Variants in PTPN13 observed in about 807,000 individuals in gnomAD.
The protein encoded by PTPN13 is tyrosine-protein phosphatase non-receptor type 13.
PTPN13 carries 191 observed loss-of-function variants against 284.0 expected under a neutral mutation model. The ratio of observed to expected loss-of-function variants is 0.67; its 90% CI spans 0.60 to 0.76. The LOEUF is 0.76. Ranked by LOEUF, PTPN13 falls within the 30% of genes least tolerant of loss-of-function variation. The pLI, the probability that PTPN13 is intolerant of heterozygous loss-of-function variation, is 0.00. For synonymous variants in PTPN13, 986 were observed against 1,022.3 expected, an observed-to-expected ratio of 0.96 and a Z score of 0.68; for missense variants, 2,797 against 2,939.9, an observed-to-expected ratio of 0.95 and a Z score of 1.12.
intron 23 of PTPN13, 80 bp downstream of exon 23, chr4:86,759,153 G>T (rs1738371140): frequency 1.2e-5 from 17 of 1,438,080 alleles, no homozygotes; most frequent in Non-Finnish European, 1.6e-5. Flanking sequence ...GCACAAAAAT[G>T]GATTCATTGT....
At chr4:86,708,698 GT>G (rs1278275454) in intron 7 of PTPN13, among the ~76,000 whole-genome samples, 1 of 151,996 alleles carries the variant, frequency 6.6e-6, no homozygotes, top group Admixed American at 6.6e-5. Flanking sequence ...AAACTTAAGT[GT>G]TTCCTTATTT....
chr4:86,753,075 C>T lies in PTPN13; in HGVS notation c.3223+10C>T, dbSNP rs1737572346. The T allele has an allele frequency of 6.3e-7, 1 of 1,596,676 alleles. No individual in the cohort carries two copies. The highest frequency in any genetic ancestry group is 1.3e-5 in the African/African-American group (1 of 74,602). On this transcript the variant is annotated intron_variant, in intron 20 of 47. Transcript: ENST00000411767. Reference sequence around the variant, plus strand: ...CCCTTAAAAGAAAATGGTAGGTTTACAAAATGTTTTTCCCCTCATTTCCAT... The same window carrying T: ...CCCTTAAAAGAAAATGGTAGGTTTATAAAATGTTTTTCCCCTCATTTCCAT...
chr4:86,646,366 C>T (rs370991561), intron 2 of PTPN13, among the ~76,000 whole-genome samples: 3 of 143,692 alleles, frequency 2.1e-5, no homozygotes, highest in Admixed American at 1.4e-4. Context: ...GGTGAGATCT[C>T]GGCTCACTGC....
At chr4:86,726,714 T>C (rs1051128797) in intron 10 of PTPN13, among the ~76,000 whole-genome samples, 2 of 149,522 alleles carry the variant, frequency 1.3e-5, no homozygotes, top group Non-Finnish European at 1.5e-5. Flanking sequence ...GATTCGGGGC[T>C]GAGACGATGG....
At chr4:86,620,088 A>G (rs2148659800) in intron 1 of PTPN13, among the ~76,000 whole-genome samples, 1 of 152,326 alleles carries the variant, frequency 6.6e-6, no homozygotes, top group Non-Finnish European at 1.5e-5. Context: ...GAGACATTTA[A>G]AAAATATTAA....
chr4:86,801,231 C>G (rs1743997651), intron 42 of PTPN13, among the ~76,000 whole-genome samples: 1 of 152,216 alleles, frequency 6.6e-6, no homozygotes. Context: ...ATGGAGAAAA[C>G]TATCGAACAC....
At chr4:86,789,821 T>G (rs2149331809) in intron 40 of PTPN13, among the ~76,000 whole-genome samples, 1 of 151,750 alleles carries the variant, frequency 6.6e-6, no homozygotes, top group African/African-American at 2.4e-5. Flanking sequence ...TGGTAATTGG[T>G]TAATACAGGT....
chr4:86,785,445 T>C (rs1049891200), intron 39 of PTPN13, 77 bp downstream of exon 39: 6 of 1,251,468 alleles, frequency 4.8e-6, no homozygotes, highest in South Asian at 4.7e-5. Context: ...TGAGTAAATA[T>C]GTAATGCATT....
At chr4:86,693,021 G>A (rs1278297500) in intron 5 of PTPN13, among the ~76,000 whole-genome samples, 2 of 143,572 alleles carry the variant, frequency 1.4e-5, no homozygotes, top group Non-Finnish European at 3.0e-5. Context: ...AGAGGTTGCA[G>A]TGAACCGAGG....
intron 7 of PTPN13, among the ~76,000 whole-genome samples, chr4:86,710,432 T>C (rs1456224963): frequency 6.6e-6 from 1 of 152,200 alleles, no homozygotes; most frequent in Non-Finnish European, 1.5e-5. Flanking sequence ...TAGATTACAA[T>C]TTGTGTTGGC....
intron 10 of PTPN13, among the ~76,000 whole-genome samples, chr4:86,729,588 T>C (rs964187642): frequency 3.3e-5 from 5 of 149,746 alleles, no homozygotes; most frequent in Admixed American, 6.7e-5. Context: ...TTTCATTAAT[T>C]TGATCTTCAA....
At chr4:86,599,598 A>G (rs1764118665) in intron 1 of PTPN13, among the ~76,000 whole-genome samples, 1 of 151,848 alleles carries the variant, frequency 6.6e-6, no homozygotes, top group Non-Finnish European at 1.5e-5. Flanking sequence ...CATCACAGAA[A>G]GTCCTGTACT....
intron 41 of PTPN13, 21 bp from the exon 42 acceptor site, chr4:86,799,079 CA>C (rs1211824046): frequency 2.1e-6 from 3 of 1,406,822 alleles, no homozygotes; most frequent in Non-Finnish European, 2.9e-6. Context: ...GAAAATGTTT[CA>C]AATATGTTTT....
intron 6 of PTPN13, among the ~76,000 whole-genome samples, chr4:86,697,626 T>C (rs1730711917): frequency 6.6e-6 from 1 of 152,168 alleles, no homozygotes; most frequent in East Asian, 1.9e-4. Flanking sequence ...TACACTATTA[T>C]TCAGATCAAC....
intron 12 of PTPN13, among the ~76,000 whole-genome samples, chr4:86,733,951 T>C (rs1735222886): frequency 6.6e-6 from 1 of 152,218 alleles, no homozygotes; most frequent in African/African-American, 2.4e-5. Context: ...ATTTGATCCT[T>C]ATAACAATGC....
At position 86,652,968 on chromosome 4, in the gene PTPN13, C is replaced by T. The variant is rs934923502; in HGVS notation, c.115+17597C>T. Among the ~76,000 whole-genome samples the T allele has an allele frequency of 2.6e-5, 4 of 151,736 alleles. No individual in the cohort carries two copies. In the East Asian group the frequency reaches 7.8e-4, roughly 29 times the overall value. ...TTATTTTTCCCCCGACTGTGTATTT[C>T]CATATAGCCTGTTGTTGAGCTCATC... On this transcript the variant is annotated intron_variant, in intron 2 of 47. Transcript: ENST00000411767.
At chr4:86,643,850 A>G (rs2148770833) in intron 2 of PTPN13, among the ~76,000 whole-genome samples, 1 of 152,258 alleles carries the variant, frequency 6.6e-6, no homozygotes, top group South Asian at 2.1e-4. Context: ...ATGAACTTAC[A>G]CCTATTTAGA....
chr4:86,602,812 C>T (rs1194537118), intron 1 of PTPN13, among the ~76,000 whole-genome samples: 1 of 151,902 alleles, frequency 6.6e-6, no homozygotes, highest in Non-Finnish European at 1.5e-5. Flanking sequence ...TACTTCAGCC[C>T]CGCAAAGCAC....
intron 7 of PTPN13, among the ~76,000 whole-genome samples, chr4:86,709,866 A>G (rs71605609): frequency 0.049 from 6,938 of 142,038 alleles, 197 homozygotes; most frequent in Non-Finnish European, 0.065. Flanking sequence ...AGATCTATAG[A>G]GTGACTAACA....
Sources: gnomAD v4.1 joint callset for allele counts (sites outside exome capture counted in the v4.1 genomes callset) on GRCh38, gnomAD v4.1.1 for gene constraint, MANE v1.5 for transcripts, NCBI Gene and HGNC (gene_info 2026-07-23, HGNC 2026-07-21) for gene names.